The following STAU1 variants were observed in gnomAD, a reference collection of about 807,000 sequenced individuals.
The protein encoded by STAU1 is double-stranded RNA-binding protein Staufen homolog 1.
In STAU1, 13 loss-of-function variants were observed where a neutral mutation model predicts 62.9. That is an observed-to-expected ratio of 0.21 (90% CI 0.13 to 0.33). The LOEUF (loss-of-function observed/expected upper bound fraction) is 0.33. STAU1 is among the 10% of genes least tolerant of loss of function. The probability of loss-of-function intolerance (pLI) is 1.00; values close to 1 mark genes in which losing one functional copy is unlikely to be tolerated. For missense variants in STAU1, 571 were observed against 712.1 expected (o/e 0.80, Z 2.25); for synonymous variants, 269 against 265.1 (o/e 1.01, Z -0.14).
intron 7 of STAU1, among the ~76,000 whole-genome samples, chr20:49,123,824 C>T (rs886440989): frequency 5.3e-5 from 8 of 152,236 alleles, no homozygotes; most frequent in East Asian, 1.9e-4. Context: ...GATCTTGATA[C>T]AGCATGAAAC....
At chr20:49,136,060 G>A in intron 5 of STAU1, 129 bp from the exon 6 acceptor site, 1 of 657,928 alleles carries the variant, frequency 1.5e-6, no homozygotes, top group Non-Finnish European at 2.6e-6. Context: ...AGGAGTCTGA[G>A]ACCAGCCTGA....
At chr20:49,203,240 C>G in the STAU1 span, among the ~76,000 whole-genome samples, 1 of 152,138 alleles carries the variant, frequency 6.6e-6, no homozygotes, top group Non-Finnish European at 1.5e-5. Flanking sequence ...ACCTGGCCAA[C>G]ATGATGAAAC....
At chr20:49,126,574 C>CAAAAAAAAAAAAAAAAAA (rs58056780) in intron 6 of STAU1, among the ~76,000 whole-genome samples, 1 of 25,040 alleles carries the variant, frequency 4.0e-5, no homozygotes, top group Non-Finnish European at 8.1e-5. Context: ...TCTCAAAAAG[C>CAAAAAAAAAAAAAAAAAA]AAAAAAAAAA....
At chr20:49,178,749 T>A (rs1437885827) in intron 1 of STAU1, among the ~76,000 whole-genome samples, 2 of 146,284 alleles carry the variant, frequency 1.4e-5, no homozygotes, top group Middle Eastern at 3.9e-3. Flanking sequence ...AGACTCTGCT[T>A]CAAAAATAAA....
intron 1 of STAU1, among the ~76,000 whole-genome samples, chr20:49,187,532 T>TG (rs2093802967): frequency 6.6e-6 from 1 of 152,176 alleles, no homozygotes; most frequent in South Asian, 2.1e-4. Context: ...GGACACGCTG[T>TG]GGGTCTGGCA....
chr20:49,143,043 C>T (rs2093044362), intron 5 of STAU1, among the ~76,000 whole-genome samples: 1 of 152,018 alleles, frequency 6.6e-6, no homozygotes, highest in African/African-American at 2.4e-5. Context: ...TCAAGTGATC[C>T]TCCCACCTCA....
At chr20:49,181,317 A>G (rs1178529513) in intron 1 of STAU1, among the ~76,000 whole-genome samples, 1 of 152,202 alleles carries the variant, frequency 6.6e-6, no homozygotes, top group African/African-American at 2.4e-5. Context: ...AGTAAATATT[A>G]TTATCCAGCA....
intron 1 of STAU1, among the ~76,000 whole-genome samples, chr20:49,183,490 G>A (rs2093751295): frequency 6.6e-6 from 1 of 152,166 alleles, no homozygotes; most frequent in South Asian, 2.1e-4. Flanking sequence ...GGATTGACTT[G>A]TGGAATCCCA....
At chr20:49,191,592 G>T (rs1405217629), upstream of STAU1, among the ~76,000 whole-genome samples, 5 of 152,178 alleles carry the variant, frequency 3.3e-5, no homozygotes. Context: ...GGGAACACCT[G>T]TAGGGTTGAT....
chr20:49,122,101 T>C, intron 8 of STAU1, among the ~76,000 whole-genome samples: 1 of 152,232 alleles, frequency 6.6e-6, no homozygotes, highest in Non-Finnish European at 1.5e-5. Flanking sequence ...ACTTTCTAAG[T>C]TATAAATTGC....
intron 6 of STAU1, among the ~76,000 whole-genome samples, chr20:49,129,438 C>A (rs2092705551): frequency 6.6e-6 from 1 of 151,332 alleles, no homozygotes; most frequent in Non-Finnish European, 1.5e-5. Context: ...CAGGTGCACA[C>A]AACCATGCCC....
At position 49,126,482 on chromosome 20, in the gene STAU1, CACTT is replaced by C. The variant is rs554185416; in HGVS notation, c.610-1899_610-1896del. Among the ~76,000 whole-genome samples, 171 of 146,146 alleles carry C rather than the reference CACTT, an allele frequency of 1.2e-3. 1 individual carries two copies. The highest frequency in any genetic ancestry group is 2.9e-3 in the Admixed American group (41 of 14,308). ...ATGTGGGAGGCTAAAACAGGAGGAT[CACTT>C]AAGCCCAGGAGATCAAGGCTACAGG... On this transcript the variant is annotated intron_variant, in intron 6 of 13. Coordinates refer to ENST00000371856, the MANE Select transcript of STAU1 (RefSeq NM_017453.4).
intron 4 of STAU1, among the ~76,000 whole-genome samples, chr20:49,153,702 C>A (rs2093301486): frequency 1.1e-5 from 1 of 90,952 alleles, no homozygotes. Flanking sequence ...CAGAGCAAGA[C>A]TCTGTCTCAA....
intron 3 of STAU1, chr20:49,159,136 A>G: frequency 9.3e-7 from 1 of 1,079,522 alleles, no homozygotes; most frequent in Non-Finnish European, 1.1e-6. Context: ...TAAATGCTGA[A>G]GGGGAAAAAG....
At chr20:49,142,274 G>T (rs2093026344) in intron 5 of STAU1, among the ~76,000 whole-genome samples, 1 of 151,974 alleles carries the variant, frequency 6.6e-6, no homozygotes, top group African/African-American at 2.4e-5. Context: ...TTTTAGTAGA[G>T]ATGGGGTTTC....
intron 8 of STAU1, among the ~76,000 whole-genome samples, chr20:49,120,608 A>C (rs1194474260): frequency 6.6e-6 from 1 of 152,220 alleles, no homozygotes; most frequent in Non-Finnish European, 1.5e-5. Flanking sequence ...CTCTAAACCT[A>C]CAATGATGAA....
At chr20:49,124,240 T>TA in intron 7 of STAU1, 135 bp downstream of exon 7, 5 of 874,412 alleles carry the variant, frequency 5.7e-6, no homozygotes, top group Non-Finnish European at 9.0e-6. Flanking sequence ...GCAGCACCTC[T>TA]AAGGGGTCTG....
chr20:49,175,814 T>TTTTTG (rs2093653263), intron 1 of STAU1, among the ~76,000 whole-genome samples: 1 of 144,094 alleles, frequency 6.9e-6, no homozygotes, highest in African/African-American at 2.6e-5. Context: ...TTTTTTTTTT[T>TTTTTG]GAGACGGAGT....
the STAU1 span, among the ~76,000 whole-genome samples, chr20:49,202,750 A>G: frequency 1.3e-5 from 2 of 151,848 alleles, no homozygotes; most frequent in Admixed American, 6.6e-5. Context: ...AAGAAGAAGG[A>G]GAAGGAGGCC....
Sources: gnomAD v4.1 joint callset for allele counts (sites outside exome capture counted in the v4.1 genomes callset) on GRCh38, gnomAD v4.1.1 for gene constraint, MANE v1.5 for transcripts, NCBI Gene and HGNC (gene_info 2026-07-23, HGNC 2026-07-21) for gene names.